ZNF385D: variants seen among roughly 807,000 people sequenced by gnomAD.
ZNF385D encodes zinc finger protein 659.
ZNF385D carries 15 observed loss-of-function variants against 35.8 expected under a neutral mutation model. The ratio of observed to expected loss-of-function variants is 0.42; its 90% confidence interval spans 0.28 to 0.64. The LOEUF is 0.64. Ranked by LOEUF, ZNF385D falls within the 30% of genes least tolerant of loss-of-function variation. The pLI, the probability that ZNF385D is intolerant of heterozygous loss-of-function variation, is 0.23. For synonymous variants in ZNF385D, 212 were observed against 186.8 expected, an observed-to-expected ratio of 1.13 and a Z score of -1.10; for missense variants, 474 against 494.6, an observed-to-expected ratio of 0.96 and a Z score of 0.39.
intron 2 of ZNF385D, among the ~76,000 whole-genome samples, chr3:22,257,350 C>T (rs1331541237): frequency 6.6e-6 from 1 of 151,694 alleles, no homozygotes; most frequent in African/African-American, 2.4e-5. Flanking sequence ...AGCATTATCA[C>T]TTCCACTCAT....
At chr3:21,835,040 G>A (rs1695242053) in intron 3 of ZNF385D, among the ~76,000 whole-genome samples, 1 of 152,042 alleles carries the variant, frequency 6.6e-6, no homozygotes, top group Non-Finnish European at 1.5e-5. Context: ...CCTAGCAAGT[G>A]CTAGGAACAG....
intron 3 of ZNF385D, among the ~76,000 whole-genome samples, chr3:22,120,526 A>T (rs1277246628): frequency 6.6e-6 from 1 of 152,100 alleles, no homozygotes. Context: ...AAGAGACACA[A>T]TTCAACTCTT....
intron 3 of ZNF385D, among the ~76,000 whole-genome samples, chr3:21,964,260 A>C (rs1702754424): frequency 6.6e-6 from 1 of 151,700 alleles, no homozygotes; most frequent in Non-Finnish European, 1.5e-5. Context: ...CATTCGCTAA[A>C]AACTGAAATT....
At chr3:21,688,420 G>T (rs1046487864) in intron 1 of ZNF385D, among the ~76,000 whole-genome samples, 1 of 151,976 alleles carries the variant, frequency 6.6e-6, no homozygotes, top group Admixed American at 6.6e-5. Flanking sequence ...TATTTCAAAT[G>T]AAACAAAATT....
At chr3:21,532,397 A>G (rs2061945591) in intron 3 of ZNF385D, among the ~76,000 whole-genome samples, 1 of 152,222 alleles carries the variant, frequency 6.6e-6, no homozygotes, top group East Asian at 1.9e-4. Flanking sequence ...GAATGTGGCC[A>G]GGAGAATACA....
intron 2 of ZNF385D, among the ~76,000 whole-genome samples, chr3:22,199,875 T>A (rs988665947): frequency 6.6e-6 from 1 of 152,082 alleles, no homozygotes; most frequent in African/African-American, 2.4e-5. Flanking sequence ...TGAAATTTTA[T>A]AAAAAGAGAC....
At chr3:21,880,884 G>A (rs911653829) in intron 3 of ZNF385D, among the ~76,000 whole-genome samples, 2 of 151,980 alleles carry the variant, frequency 1.3e-5, no homozygotes, top group Non-Finnish European at 2.9e-5. Context: ...GAAAGTTTTG[G>A]TGGTCTGGAT....
At chr3:21,882,446 T>C (rs1698329199) in intron 3 of ZNF385D, among the ~76,000 whole-genome samples, 1 of 152,020 alleles carries the variant, frequency 6.6e-6, no homozygotes, top group Non-Finnish European at 1.5e-5. Flanking sequence ...TTATACATGA[T>C]GCTATTGCAA....
At chr3:21,521,224 G>A (rs7646837) in intron 3 of ZNF385D, among the ~76,000 whole-genome samples, 96,126 of 152,064 alleles carry the variant, frequency 0.63, 30,495 homozygotes, top group African/African-American at 0.71. Context: ...AATAAACATC[G>A]TCACAGTTCT....
At chr3:21,463,798 T>C (rs536900923) in intron 4 of ZNF385D, among the ~76,000 whole-genome samples, 1 of 152,290 alleles carries the variant, frequency 6.6e-6, no homozygotes, top group Non-Finnish European at 1.5e-5. Context: ...TCCAAAATTA[T>C]GGATAGAGCT....
At chr3:22,276,956 T>C (rs887249731) in intron 2 of ZNF385D, among the ~76,000 whole-genome samples, 1 of 152,122 alleles carries the variant, frequency 6.6e-6, no homozygotes, top group African/African-American at 2.4e-5. Context: ...TGCATTCACT[T>C]AAGACTTTAT....
In ZNF385D at chr3:22,227,470, G is replaced by A. The variant is rs956103797; in HGVS notation, c.107-58435C>T. The stretch of plus-strand genomic sequence containing the variant: ...AATCTGAACAGACATGCCTTGCTGT[G>A]TTTAGATCATGTGCTTTTCGTTTGA... On this transcript the variant is annotated intron_variant, in intron 2 of 5. Coordinates refer to the ZNF385D transcript ENST00000494108. Among the ~76,000 whole-genome samples the A allele has an allele frequency of 5.3e-5, 8 of 152,176 alleles. No individual in the cohort carries two copies. In the East Asian group the frequency reaches 1.5e-3, roughly 29 times the overall value.
intron 1 of ZNF385D, among the ~76,000 whole-genome samples, chr3:21,738,810 A>G (rs985671410): frequency 6.6e-6 from 1 of 152,218 alleles, no homozygotes; most frequent in African/African-American, 2.4e-5. Flanking sequence ...GAAATAAACA[A>G]AAGTGTGATT....
intron 4 of ZNF385D, among the ~76,000 whole-genome samples, chr3:21,494,120 T>G (rs895584535): frequency 6.6e-6 from 1 of 152,172 alleles, no homozygotes; most frequent in African/African-American, 2.4e-5. Context: ...CTATAAATTT[T>G]ACACAAAGAG....
At chr3:21,610,639 G>A (rs1258037807) in intron 2 of ZNF385D, among the ~76,000 whole-genome samples, 1 of 152,032 alleles carries the variant, frequency 6.6e-6, no homozygotes, top group African/African-American at 2.4e-5. Context: ...GCCAGGTATG[G>A]TGGCGGGCGC....
intron 3 of ZNF385D, among the ~76,000 whole-genome samples, chr3:21,810,060 C>T (rs1237300180): frequency 6.6e-6 from 1 of 151,972 alleles, no homozygotes; most frequent in African/African-American, 2.4e-5. Flanking sequence ...GTCCTTGATA[C>T]CAGAACCAAA....
intron 2 of ZNF385D, among the ~76,000 whole-genome samples, chr3:22,295,695 T>C (rs886406122): frequency 6.6e-6 from 1 of 152,164 alleles, no homozygotes; most frequent in Non-Finnish European, 1.5e-5. Flanking sequence ...CCCCTTTTGA[T>C]TACTTTATAT....
At chr3:21,980,084 T>C (rs183811025) in intron 3 of ZNF385D, among the ~76,000 whole-genome samples, 159 of 152,270 alleles carry the variant, frequency 1.0e-3, no homozygotes, top group African/African-American at 3.7e-3. Context: ...GATCCTTTTC[T>C]AGGTTAAGCT....
In ZNF385D at chr3:21,413,113, A is replaced by G. The variant is rs2125226902; in HGVS notation, c.*8101T>C. ...GTTTTTAATGAAAACAAATATAACA[A>G]TAACATATAGAATCATCATTCAACT... On this transcript the variant is annotated 3_prime_UTR_variant, in exon 8 of 8. Coordinates refer to ENST00000281523, the MANE Select transcript of ZNF385D (RefSeq NM_024697.3). 6.6e-6 allele frequency: 1 copy of G among 152,218 alleles called. No homozygotes were observed. The highest frequency in any genetic ancestry group is 6.6e-5 in the Admixed American group (1 of 15,266). The allele number at this position is 152,218 out of a possible 1,614,324, so 9.4% of individuals were successfully genotyped here. A position where few individuals can be genotyped will look rare whatever the true frequency, so the allele number is the denominator to read the frequency against.
Sources: gnomAD v4.1 joint callset for allele counts (sites outside exome capture counted in the v4.1 genomes callset) on GRCh38, gnomAD v4.1.1 for gene constraint, MANE v1.5 for transcripts, NCBI Gene and HGNC (gene_info 2026-07-23, HGNC 2026-07-21) for gene names.